CRPPA: variants seen among roughly 807,000 people sequenced by gnomAD.
The protein encoded by CRPPA is D-ribitol-5-phosphate cytidylyltransferase.
In CRPPA, 43 loss-of-function variants were observed where a neutral mutation model predicts 52.0. The observed-to-expected ratio is 0.83, with a 90% CI of 0.65 to 1.07. CRPPA has a LOEUF of 1.07. Ranked by LOEUF, CRPPA falls within the 50% of genes least tolerant of loss-of-function variation. The pLI, the probability that CRPPA is intolerant of heterozygous loss-of-function variation, is 0.00. For synonymous variants in CRPPA, 250 were observed against 203.5 expected (o/e 1.23, Z -1.94); for missense variants, 629 against 551.7 (o/e 1.14, Z -1.40).
chr7:16,126,432 T>C (rs908729924), intron 9 of CRPPA, among the ~76,000 whole-genome samples: 3 of 152,170 alleles, frequency 2.0e-5, no homozygotes, highest in Non-Finnish European at 4.4e-5. Context: ...GAGATATACT[T>C]TGGCTAATTT....
chr7:16,211,322 A>G (rs1383312203), intron 9 of CRPPA, among the ~76,000 whole-genome samples: 1 of 152,206 alleles, frequency 6.6e-6, no homozygotes, highest in Admixed American at 6.5e-5. Flanking sequence ...TCTAAACAAT[A>G]AAAGTCAAAA....
intron 2 of CRPPA, among the ~76,000 whole-genome samples, chr7:16,386,991 G>A (rs1431776950): frequency 1.3e-5 from 2 of 148,590 alleles, no homozygotes; most frequent in Non-Finnish European, 3.0e-5. Flanking sequence ...TTACACTCCA[G>A]CCTGGGCGAT....
chr7:16,230,927 G>C (rs536695604), intron 8 of CRPPA, among the ~76,000 whole-genome samples: 1 of 152,108 alleles, frequency 6.6e-6, no homozygotes, highest in Non-Finnish European at 1.5e-5. Flanking sequence ...CACAAGTCTG[G>C]TGGTGGTATA....
chr7:16,093,101 C>T (rs568866820), intron 9 of CRPPA, among the ~76,000 whole-genome samples: 49 of 152,250 alleles, frequency 3.2e-4, no homozygotes, highest in African/African-American at 9.1e-4. Context: ...CTCTAGCACA[C>T]CGAATTTTAT....
At chr7:16,383,266 C>A (rs1347796461) in intron 2 of CRPPA, among the ~76,000 whole-genome samples, 1 of 150,128 alleles carries the variant, frequency 6.7e-6, no homozygotes, top group Non-Finnish European at 1.5e-5. Context: ...ACTCTAGACC[C>A]TGTTTGCCTG....
At chr7:16,182,472 T>G (rs1415797442) in intron 9 of CRPPA, among the ~76,000 whole-genome samples, 1 of 152,136 alleles carries the variant, frequency 6.6e-6, no homozygotes, top group Non-Finnish European at 1.5e-5. Context: ...TCTTGGTCCA[T>G]TGTTACAAAG....
At chr7:16,254,771 C>CAGAAAGAAAGAAAGAAAGAAAGAAAGAA (rs373072535) in intron 8 of CRPPA, among the ~76,000 whole-genome samples, 12 of 111,040 alleles carry the variant, frequency 1.1e-4, no homozygotes, top group African/African-American at 4.2e-4. Context: ...GACAGACACA[C>CAGAAAGAAAGAAAGAAAGAAAGAAAGAA]AGAAAGAAAG....
intron 1 of CRPPA, among the ~76,000 whole-genome samples, chr7:16,414,551 A>C (rs1788147523): frequency 6.6e-6 from 1 of 152,178 alleles, no homozygotes; most frequent in Admixed American, 6.5e-5. Context: ...GTTATGGTTT[A>C]ATTGTCAGCT....
chr7:16,413,033 T>C (rs1448359272), intron 1 of CRPPA, among the ~76,000 whole-genome samples: 1 of 152,184 alleles, frequency 6.6e-6, no homozygotes, highest in African/African-American at 2.4e-5. Flanking sequence ...GAAAGCCCTC[T>C]CATCTAGTCT....
At chr7:16,345,591 AAG>A (rs1437228166) in intron 3 of CRPPA, among the ~76,000 whole-genome samples, 1 of 152,172 alleles carries the variant, frequency 6.6e-6, no homozygotes, top group Admixed American at 6.5e-5. Flanking sequence ...GCACACAGGA[AAG>A]AGAACACAGT....
chr7:16,386,696 G>C (rs767856643), intron 2 of CRPPA, among the ~76,000 whole-genome samples: 3 of 152,012 alleles, frequency 2.0e-5, no homozygotes, highest in Non-Finnish European at 4.4e-5. Flanking sequence ...AAAAATGACA[G>C]GCAAGGAAGT....
At chr7:16,389,913 CAAAAAA>C (rs1163092089) in intron 2 of CRPPA, among the ~76,000 whole-genome samples, 1 of 34,314 alleles carries the variant, frequency 2.9e-5, no homozygotes, top group Non-Finnish European at 4.2e-5. Context: ...GCCTAGTATA[CAAAAAA>C]AAAAAAAAAA....
rs550379538 is a variant in CRPPA, at chr7:16,312,178, G to A, written c.685-3551C>T. 5.3e-5 allele frequency among the ~76,000 whole-genome samples: 8 copies of A among 152,010 alleles called. No individual in the cohort carries two copies. The East Asian group carries it at 5.8e-4, about 11-fold the overall frequency. ...AAAATAGCTTGCTGAAATTTTGATT[G>A]GGATTGCATCAAATTTGTAGATCAC... On this transcript the variant is annotated intron_variant, in intron 3 of 9. Transcript: ENST00000407010.
intron 6 of CRPPA, among the ~76,000 whole-genome samples, chr7:16,275,704 T>C (rs1369652138): frequency 6.6e-6 from 1 of 152,012 alleles, no homozygotes; most frequent in Admixed American, 6.5e-5. Flanking sequence ...TTGCAGTGTG[T>C]GCCTGTGGTC....
intron 9 of CRPPA, among the ~76,000 whole-genome samples, chr7:16,152,170 TG>T (rs904560505): frequency 1.2e-4 from 18 of 152,082 alleles, no homozygotes; most frequent in Non-Finnish European, 2.5e-4. Flanking sequence ...ATGATGGAAA[TG>T]TGAGACCATG....
chr7:16,192,436 A>T (rs75687323), intron 9 of CRPPA, among the ~76,000 whole-genome samples: 3,899 of 152,180 alleles, frequency 0.026, 118 homozygotes, highest in East Asian at 0.13. Flanking sequence ...CTACTGAGGT[A>T]TTATTGACAC....
At chr7:16,120,687 C>CA (rs1782464665) in intron 9 of CRPPA, among the ~76,000 whole-genome samples, 2 of 152,090 alleles carry the variant, frequency 1.3e-5, no homozygotes, top group African/African-American at 2.4e-5. Context: ...TCTCCTACTG[C>CA]AAAACCTCAT....
At chr7:16,317,112 A>T (rs189154279) in intron 3 of CRPPA, among the ~76,000 whole-genome samples, 70 of 152,272 alleles carry the variant, frequency 4.6e-4, no homozygotes, top group African/African-American at 1.7e-3. Flanking sequence ...CATTCTCATG[A>T]ATATGAGGCA....
chr7:16,381,614 G>C (rs1449225299), intron 2 of CRPPA, among the ~76,000 whole-genome samples: 11 of 148,278 alleles, frequency 7.4e-5, no homozygotes, highest in African/African-American at 1.2e-4. Flanking sequence ...CATTATTATT[G>C]TGTGGGAGTC....
Sources: allele counts gnomAD v4.1 joint callset (sites outside exome capture counted in the v4.1 genomes callset), GRCh38; gene constraint gnomAD v4.1.1; transcripts MANE v1.5; gene names NCBI Gene and HGNC (gene_info 2026-07-23, HGNC 2026-07-21).